Variants in PUM1 observed in about 807,000 individuals in gnomAD.
PUM1 encodes the protein pumilio RNA binding family member 1, also known as pumilio homolog 1.
In PUM1, 13 loss-of-function variants were observed where a neutral mutation model predicts 131.8. The ratio of observed to expected loss-of-function variants is 0.10; its 90% CI spans 0.06 to 0.16. The LOEUF is 0.16. Among genes scored for constraint, PUM1 ranks in the 10% least tolerant of loss-of-function variants. The pLI is 1.00. For missense variants in PUM1, 961 were observed against 1,512.4 expected (o/e 0.64, Z 6.05); for synonymous variants, 509 against 556.5 (o/e 0.91, Z 1.20).
intron 5 of PUM1, among the ~76,000 whole-genome samples, chr1:31,002,559 C>T (rs1642254077): frequency 6.6e-6 from 1 of 152,064 alleles, no homozygotes; most frequent in Non-Finnish European, 1.5e-5. Flanking sequence ...GCAATCTCAC[C>T]CATGGGCCTC....
rs4949189 is a variant in PUM1 at position 30,977,931 on chromosome 1, T to C, written c.1354+2131A>G. On this transcript the variant is annotated intron_variant, in intron 9 of 21. Transcript: ENST00000426105. ...AAACCCCAACTCTACAACATTTAAA[T>C]TGTGTGACTTCAAATGAGACAGTTC... Among the ~76,000 whole-genome samples, 269 of 152,224 alleles carry C rather than the reference T, an allele frequency of 1.8e-3. 3 individuals are homozygous for C. Among genetic ancestry groups the C allele is most frequent in the Admixed American group, 0.015 (225 of 15,282 alleles).
At chr1:31,001,110 G>C (rs1642194912) in intron 5 of PUM1, among the ~76,000 whole-genome samples, 1 of 152,188 alleles carries the variant, frequency 6.6e-6, no homozygotes, top group East Asian at 1.9e-4. Context: ...CATGAACCCG[G>C]GAGGCGGAGC....
chr1:31,035,889 T>C (rs1052011165), intron 2 of PUM1, among the ~76,000 whole-genome samples: 6 of 152,194 alleles, frequency 3.9e-5, no homozygotes, highest in African/African-American at 1.4e-4. Flanking sequence ...GCAAAACCTA[T>C]TGCATGATGT....
At chr1:30,992,311 C>G in intron 7 of PUM1, 79 bp downstream of exon 7, 2 of 1,536,478 alleles carry the variant, frequency 1.3e-6, no homozygotes. Flanking sequence ...CCACCTCCCC[C>G]ATCCCCCCAT....
At chr1:30,933,459 C>CAT (rs1639051992) in intron 21 of PUM1, 117 bp from the exon 22 acceptor site, 1 of 786,526 alleles carries the variant, frequency 1.3e-6, no homozygotes. Context: ...CACACACACA[C>CAT]ACACACACAC....
At chr1:31,050,871 G>T in intron 2 of PUM1, 1 of 246,596 alleles carries the variant, frequency 4.1e-6, no homozygotes. Context: ...CTGAGAGCAA[G>T]ATGGGTCACC....
chr1:30,990,312 C>T (rs1329798910), intron 7 of PUM1, among the ~76,000 whole-genome samples: 2 of 152,106 alleles, frequency 1.3e-5, no homozygotes, highest in Non-Finnish European at 2.9e-5. Flanking sequence ...CGAGTAATCA[C>T]AACACAAGAC....
intron 5 of PUM1, among the ~76,000 whole-genome samples, chr1:31,001,263 G>A (rs1642201927): frequency 6.6e-6 from 1 of 152,152 alleles, no homozygotes; most frequent in South Asian, 2.1e-4. Flanking sequence ...CAGCTACTGG[G>A]GAGGCAGGGG....
chr1:31,053,619 C>T (rs1223439017), intron 2 of PUM1, among the ~76,000 whole-genome samples: 1 of 151,592 alleles, frequency 6.6e-6, no homozygotes, highest in African/African-American at 2.4e-5. Flanking sequence ...ACCACAGGCA[C>T]AGCGCCACCA....
At chr1:31,027,467 A>T (rs562808485) in intron 3 of PUM1, among the ~76,000 whole-genome samples, 2 of 152,308 alleles carry the variant, frequency 1.3e-5, no homozygotes, top group South Asian at 4.1e-4. Flanking sequence ...TAGACTTTCT[A>T]AACCATACAG....
intron 2 of PUM1, among the ~76,000 whole-genome samples, chr1:31,046,809 A>T (rs76381658): frequency 6.6e-6 from 1 of 152,020 alleles, no homozygotes; most frequent in Non-Finnish European, 1.5e-5. Flanking sequence ...TTCAGGGCCA[A>T]GTTCTTTAAC....
intron 10 of PUM1, among the ~76,000 whole-genome samples, chr1:30,973,988 T>C (rs1437734912): frequency 1.3e-5 from 2 of 151,590 alleles, no homozygotes; most frequent in African/African-American, 4.9e-5. Flanking sequence ...CTCAGGAGGC[T>C]AAGGCAGGAG....
chr1:31,056,185 C>T (rs1337838962), intron 2 of PUM1, among the ~76,000 whole-genome samples: 1 of 152,186 alleles, frequency 6.6e-6, no homozygotes, highest in Non-Finnish European at 1.5e-5. Flanking sequence ...GCACTCTGTA[C>T]TTTTCCTCCA....
intron 10 of PUM1, 52 bp downstream of exon 10, chr1:30,974,599 T>A (rs1641063176): frequency 6.6e-7 from 1 of 1,504,756 alleles, no homozygotes; most frequent in Non-Finnish European, 9.0e-7. Context: ...CTATTAATTA[T>A]CCACAATACT....
At chr1:31,052,491 T>C (rs1644135968) in intron 2 of PUM1, among the ~76,000 whole-genome samples, 1 of 151,620 alleles carries the variant, frequency 6.6e-6, no homozygotes, top group Non-Finnish European at 1.5e-5. Context: ...TGATCCTCCC[T>C]TGAGTAGGAC....
chr1:30,954,541 A>T (rs1237004430), intron 14 of PUM1, among the ~76,000 whole-genome samples: 1 of 152,196 alleles, frequency 6.6e-6, no homozygotes, highest in Non-Finnish European at 1.5e-5. Context: ...AAGACATTCC[A>T]GGCCATGGAT....
At chr1:30,974,918 A>C in intron 9 of PUM1, 116 bp from the exon 10 acceptor site, 1 of 720,084 alleles carries the variant, frequency 1.4e-6, no homozygotes, top group East Asian at 2.9e-5. Context: ...TTAAAAGTAT[A>C]TATTAATTTA....
chr1:31,038,375 T>C (rs1050316661), intron 2 of PUM1, among the ~76,000 whole-genome samples: 5 of 152,168 alleles, frequency 3.3e-5, no homozygotes, highest in Non-Finnish European at 5.9e-5. Flanking sequence ...TGCGATGGAC[T>C]AGGCATTGCA....
chr1:30,946,951 C>T (rs759029189), intron 17 of PUM1, among the ~76,000 whole-genome samples: 12 of 152,060 alleles, frequency 7.9e-5, no homozygotes, highest in Non-Finnish European at 1.6e-4. Context: ...TACAATTAAT[C>T]GTGTTTTTAT....
Sources: allele counts gnomAD v4.1 joint callset (sites outside exome capture counted in the v4.1 genomes callset), GRCh38; gene constraint gnomAD v4.1.1; transcripts MANE v1.5; gene names NCBI Gene and HGNC (gene_info 2026-07-23, HGNC 2026-07-21).